NELL1: variants seen among roughly 807,000 people sequenced by gnomAD.
NELL1 encodes the protein neural EGFL like 1.
NELL1 carries 76 observed loss-of-function variants against 107.4 expected under a neutral mutation model. The ratio of observed to expected loss-of-function variants is 0.71; its 90% confidence interval spans 0.59 to 0.86. The LOEUF is 0.86. Ranked by LOEUF, NELL1 falls within the 40% of genes least tolerant of loss-of-function variation. The probability of loss-of-function intolerance (pLI) is 0.00; values close to 1 mark genes in which losing one functional copy is unlikely to be tolerated. For missense variants in NELL1, 1,024 were observed against 1,005.5 expected (o/e 1.02, Z -0.25); for synonymous variants, 353 against 341.2 (o/e 1.03, Z -0.38).
At chr11:21,154,970 G>A (rs1856199642) in intron 13 of NELL1, among the ~76,000 whole-genome samples, 1 of 152,140 alleles carries the variant, frequency 6.6e-6, no homozygotes, top group African/African-American at 2.4e-5. Flanking sequence ...TTGGTCTAGG[G>A]TTTTTTGTGG....
At chr11:21,046,023 G>T (rs1381951474) in intron 12 of NELL1, among the ~76,000 whole-genome samples, 1 of 152,046 alleles carries the variant, frequency 6.6e-6, no homozygotes, top group Non-Finnish European at 1.5e-5. Flanking sequence ...GGCATTTAAG[G>T]ATGCTATTGA....
chr11:21,431,270 C>T (rs1054327518), intron 15 of NELL1, among the ~76,000 whole-genome samples: 14 of 152,132 alleles, frequency 9.2e-5, no homozygotes, highest in African/African-American at 2.9e-4. Flanking sequence ...CAGACACCCA[C>T]GATCTGCAAG....
chr11:20,781,725 A>G (rs149574302), intron 2 of NELL1, among the ~76,000 whole-genome samples: 1,927 of 152,188 alleles, frequency 0.013, 16 homozygotes, highest in Admixed American at 0.02. Flanking sequence ...TATTAAGATG[A>G]TCTTTGCTTA....
At chr11:21,233,846 T>A (rs1231793633) in intron 14 of NELL1, among the ~76,000 whole-genome samples, 1 of 152,232 alleles carries the variant, frequency 6.6e-6, no homozygotes, top group Non-Finnish European at 1.5e-5. Context: ...CTGGATAGGA[T>A]GTGGTGATCT....
chr11:21,529,792 C>T lies in NELL1; in HGVS notation c.1646-4582C>T, dbSNP rs117965931. ...TGTTTTATAGCAGTAATATTTAGTC[C>T]AAAGTTAATATCCAGACTGTGCTTA... is the stretch of plus-strand genomic sequence containing the variant. On this transcript the variant is annotated intron_variant, in intron 15 of 19. Transcript: ENST00000357134. 8.0e-3 allele frequency among the ~76,000 whole-genome samples: 1,213 copies of T among 151,998 alleles called. 7 individuals are homozygous for T. The highest frequency in any genetic ancestry group is 0.013 in the Non-Finnish European group (859 of 67,974).
intron 12 of NELL1, among the ~76,000 whole-genome samples, chr11:21,025,351 G>A (rs975254703): frequency 6.6e-6 from 1 of 151,868 alleles, no homozygotes; most frequent in African/African-American, 2.4e-5. Context: ...AGAAAGCAGG[G>A]ACAGCAAGGT....
chr11:21,114,701 A>G (rs995488562), intron 13 of NELL1, among the ~76,000 whole-genome samples: 2 of 151,974 alleles, frequency 1.3e-5, no homozygotes, highest in African/African-American at 4.8e-5. Flanking sequence ...TCAGATTGAC[A>G]CAGGTTTCTG....
chr11:20,978,195 CAT>C (rs1851678183), intron 12 of NELL1, among the ~76,000 whole-genome samples: 1 of 152,104 alleles, frequency 6.6e-6, no homozygotes, highest in Non-Finnish European at 1.5e-5. Flanking sequence ...TGTAACAAAC[CAT>C]CTCATTTGTC....
rs973751186 is a variant in NELL1, at chr11:20,747,450, T to C, written c.185-36230T>C. Among the ~76,000 whole-genome samples, 5 of 152,198 alleles carry C rather than the reference T, an allele frequency of 3.3e-5. No individual in the cohort carries two copies. The East Asian group carries it at 9.6e-4, about 29-fold the overall frequency. The stretch of plus-strand genomic sequence containing the variant: ...AAGGAACTGAGATGGAATTCAGATG[T>C]CTTAGTCCATTTTCTGTTGATTATA... On this transcript the variant is annotated intron_variant, in intron 2 of 19. Coordinates refer to ENST00000357134, the MANE Select transcript of NELL1 (RefSeq NM_006157.5).
intron 12 of NELL1, among the ~76,000 whole-genome samples, chr11:20,962,458 C>T (rs1038015205): frequency 6.6e-6 from 1 of 152,150 alleles, no homozygotes; most frequent in Non-Finnish European, 1.5e-5. Flanking sequence ...CCTGATTACG[C>T]CACTGGCAGA....
chr11:20,720,202 G>GTTTTTTTTTTTT (rs72275946), intron 2 of NELL1, among the ~76,000 whole-genome samples: 1 of 141,058 alleles, frequency 7.1e-6, no homozygotes. Flanking sequence ...GTTCATTCCT[G>GTTTTTTTTTTTT]TTTTTTTTTT....
At chr11:21,419,510 A>G (rs1420375285) in intron 15 of NELL1, among the ~76,000 whole-genome samples, 1 of 152,116 alleles carries the variant, frequency 6.6e-6, no homozygotes, top group Non-Finnish European at 1.5e-5. Context: ...TTTCTCATAA[A>G]TCTTTACAGC....
intron 5 of NELL1, among the ~76,000 whole-genome samples, chr11:20,898,515 A>G (rs1564956673): frequency 6.6e-6 from 1 of 151,960 alleles, no homozygotes; most frequent in Non-Finnish European, 1.5e-5. Flanking sequence ...GCACATATAT[A>G]TATATGTAAC....
intron 14 of NELL1, among the ~76,000 whole-genome samples, chr11:21,348,019 G>A (rs1314939843): frequency 6.6e-6 from 1 of 152,200 alleles, no homozygotes; most frequent in African/African-American, 2.4e-5. Flanking sequence ...ACAAGGATAT[G>A]ACAGGACAAG....
intron 14 of NELL1, among the ~76,000 whole-genome samples, chr11:21,233,895 A>T (rs767302957): frequency 2.6e-4 from 39 of 152,216 alleles, no homozygotes; most frequent in Admixed American, 8.5e-4. Context: ...TAATATTAAC[A>T]TTTATTTATA....
intron 14 of NELL1, among the ~76,000 whole-genome samples, chr11:21,323,813 T>C (rs1179014605): frequency 6.6e-6 from 1 of 152,146 alleles, no homozygotes; most frequent in East Asian, 1.9e-4. Flanking sequence ...CCACTGAAGA[T>C]AAAGACTCTA....
At chr11:21,295,534 G>T (rs921459727) in intron 14 of NELL1, among the ~76,000 whole-genome samples, 2 of 152,026 alleles carry the variant, frequency 1.3e-5, no homozygotes, top group African/African-American at 2.4e-5. Flanking sequence ...TAGACACAAA[G>T]AATTTTGCAA....
intron 15 of NELL1, among the ~76,000 whole-genome samples, chr11:21,489,677 C>A (rs899027196): frequency 6.6e-6 from 1 of 151,988 alleles, no homozygotes; most frequent in Non-Finnish European, 1.5e-5. Context: ...ATCACATCAG[C>A]AGAATGAAGG....
chr11:20,825,819 G>A lies in NELL1; in HGVS notation c.336-21764G>A, dbSNP rs963503340. ...GGCATATTTGTGTTTTGAAATGTGA[G>A]AAACACATTTCAAACCTGGGAGGGG... On this transcript the variant is annotated intron_variant, in intron 3 of 19. Transcript: ENST00000357134. Among the ~76,000 whole-genome samples the A allele has an allele frequency of 7.3e-5, 11 of 151,294 alleles. No individual in the cohort carries two copies. The East Asian group carries it at 9.7e-4, about 13-fold the overall frequency.
Sources: allele counts gnomAD v4.1 joint callset (sites outside exome capture counted in the v4.1 genomes callset), GRCh38; gene constraint gnomAD v4.1.1; transcripts MANE v1.5; gene names NCBI Gene and HGNC (gene_info 2026-07-23, HGNC 2026-07-21).